The following GPC5 variants were observed in gnomAD, a reference collection of about 807,000 sequenced individuals.
GPC5 encodes the protein glypican-5.
GPC5 carries 47 observed loss-of-function variants against 53.9 expected under a neutral mutation model. The ratio of observed to expected loss-of-function variants is 0.87; its 90% CI spans 0.69 to 1.11. The LOEUF is 1.11. GPC5 is among the 50% of genes most tolerant of loss of function. The pLI is 0.00. For missense variants in GPC5, 748 were observed against 713.1 expected, an observed-to-expected ratio of 1.05 and a Z score of -0.56; for synonymous variants, 286 against 263.3, an observed-to-expected ratio of 1.09 and a Z score of -0.84.
chr13:92,776,602 G>C (rs1355294897), intron 7 of GPC5, among the ~76,000 whole-genome samples: 2 of 152,140 alleles, frequency 1.3e-5, no homozygotes, highest in African/African-American at 2.4e-5. Flanking sequence ...AGAATAGGCA[G>C]ATACTTGTGA....
At chr13:92,672,176 C>A (rs1346675381) in intron 7 of GPC5, among the ~76,000 whole-genome samples, 2 of 152,134 alleles carry the variant, frequency 1.3e-5, no homozygotes, top group African/African-American at 2.4e-5. Flanking sequence ...CAATTTCTCC[C>A]AACCTCATTT....
intron 7 of GPC5, among the ~76,000 whole-genome samples, chr13:92,500,107 C>A (rs1880126333): frequency 6.6e-6 from 1 of 152,132 alleles, no homozygotes; most frequent in Admixed American, 6.5e-5. Flanking sequence ...TGGAAGCAGG[C>A]ATCAGCATGG....
At chr13:91,603,540 A>G (rs1594317526) in intron 2 of GPC5, among the ~76,000 whole-genome samples, 1 of 152,364 alleles carries the variant, frequency 6.6e-6, no homozygotes. Flanking sequence ...ATATCTTTGA[A>G]GATTGCTAAG....
chr13:91,831,912 G>A (rs1017656541), intron 5 of GPC5, among the ~76,000 whole-genome samples: 2 of 151,976 alleles, frequency 1.3e-5, no homozygotes, highest in African/African-American at 4.8e-5. Flanking sequence ...GGGGGATGAG[G>A]TGCTGAGAAT....
chr13:91,411,597 A>G (rs988216312), intron 1 of GPC5, among the ~76,000 whole-genome samples: 1 of 152,200 alleles, frequency 6.6e-6, no homozygotes, highest in African/African-American at 2.4e-5. Flanking sequence ...GACCCTTTAC[A>G]TAAAACCATA....
intron 7 of GPC5, among the ~76,000 whole-genome samples, chr13:92,484,152 A>C (rs1874386039): frequency 6.6e-6 from 1 of 152,078 alleles, no homozygotes; most frequent in Non-Finnish European, 1.5e-5. Context: ...AACAAAAATC[A>C]AAACATCTGG....
chr13:91,606,716 C>A (rs934502557), intron 2 of GPC5, among the ~76,000 whole-genome samples: 1 of 150,604 alleles, frequency 6.6e-6, no homozygotes, highest in African/African-American at 2.4e-5. Flanking sequence ...TTATCCATTT[C>A]TTCTAGATTT....
intron 7 of GPC5, among the ~76,000 whole-genome samples, chr13:92,747,755 G>T (rs1248906065): frequency 6.6e-6 from 1 of 152,116 alleles, no homozygotes; most frequent in Admixed American, 6.6e-5. Context: ...TGATGCTTCT[G>T]ACTTTAATGA....
At chr13:92,087,824 G>GA (rs1594757964) in intron 6 of GPC5, among the ~76,000 whole-genome samples, 2 of 151,884 alleles carry the variant, frequency 1.3e-5, no homozygotes, top group South Asian at 4.1e-4. Flanking sequence ...AATGACATAA[G>GA]AAAAAATAGG....
At chr13:91,577,526 T>C (rs929888766) in intron 2 of GPC5, among the ~76,000 whole-genome samples, 1 of 152,198 alleles carries the variant, frequency 6.6e-6, no homozygotes, top group Non-Finnish European at 1.5e-5. Context: ...TCCCTGACTG[T>C]TGTTGATGCC....
chr13:91,765,241 A>G (rs1356740331), intron 5 of GPC5, among the ~76,000 whole-genome samples: 1 of 152,242 alleles, frequency 6.6e-6, no homozygotes, highest in African/African-American at 2.4e-5. Context: ...TCTCTCACCT[A>G]GGACCAATGA....
chr13:92,586,358 A>G (rs1212232158), intron 7 of GPC5, among the ~76,000 whole-genome samples: 1 of 152,368 alleles, frequency 6.6e-6, no homozygotes, highest in South Asian at 2.1e-4. Flanking sequence ...TTAGAATTGC[A>G]AGTACCCACA....
chr13:92,120,007 C>G (rs148373060), intron 6 of GPC5, among the ~76,000 whole-genome samples: 1 of 152,212 alleles, frequency 6.6e-6, no homozygotes, highest in African/African-American at 2.4e-5. Flanking sequence ...GGTTGTAGAT[C>G]TGCATATGAG....
At chr13:92,321,013 T>A (rs2043212163) in intron 7 of GPC5, among the ~76,000 whole-genome samples, 1 of 151,378 alleles carries the variant, frequency 6.6e-6, no homozygotes, top group Non-Finnish European at 1.5e-5. Context: ...TACTGCAGAT[T>A]TTTTTTTCTT....
intron 2 of GPC5, among the ~76,000 whole-genome samples, chr13:91,539,259 G>A (rs1221879017): frequency 2.0e-5 from 3 of 152,134 alleles, no homozygotes; most frequent in Non-Finnish European, 2.9e-5. Context: ...TGTGTGGGGG[G>A]CAGTGATAGA....
intron 7 of GPC5, among the ~76,000 whole-genome samples, chr13:92,569,717 G>A (rs769185157): frequency 2.0e-5 from 3 of 152,128 alleles, no homozygotes; most frequent in Non-Finnish European, 4.4e-5. Flanking sequence ...GATTATAAAT[G>A]TCAGGAAATA....
At chr13:91,630,333 C>T (rs2034124129) in intron 2 of GPC5, among the ~76,000 whole-genome samples, 1 of 151,860 alleles carries the variant, frequency 6.6e-6, no homozygotes, top group Non-Finnish European at 1.5e-5. Context: ...GTATTAGCTT[C>T]TTTGTTGTTT....
intron 2 of GPC5, among the ~76,000 whole-genome samples, chr13:91,556,738 A>G (rs1356416800): frequency 6.6e-6 from 1 of 151,960 alleles, no homozygotes; most frequent in African/African-American, 2.4e-5. Flanking sequence ...CAAACGTTGT[A>G]TGTTCTCACT....
intron 2 of GPC5, among the ~76,000 whole-genome samples, chr13:91,666,784 AAT>A (rs1255021882): frequency 6.6e-6 from 1 of 152,108 alleles, no homozygotes; most frequent in Non-Finnish European, 1.5e-5. Flanking sequence ...ACTTTAGATA[AAT>A]GCTAGTTTAT....
Sources: allele counts gnomAD v4.1 joint callset (sites outside exome capture counted in the v4.1 genomes callset), GRCh38; gene constraint gnomAD v4.1.1; transcripts MANE v1.5; gene names NCBI Gene and HGNC (gene_info 2026-07-23, HGNC 2026-07-21).